The following STT3B variants were observed in gnomAD, a reference collection of about 807,000 sequenced individuals.
STT3B encodes STT3 oligosaccharyltransferase complex catalytic subunit B.
STT3B carries 29 observed loss-of-function variants against 96.8 expected under a neutral mutation model. The observed-to-expected ratio is 0.30, with a 90% CI of 0.22 to 0.41. The LOEUF (loss-of-function observed/expected upper bound fraction) is 0.41. Ranked by LOEUF, STT3B falls within the 10% of genes least tolerant of loss-of-function variation. The pLI is 1.00. For missense variants in STT3B, 640 were observed against 1,022.3 expected, an observed-to-expected ratio of 0.63 and a Z score of 5.10; for synonymous variants, 367 against 360.0, an observed-to-expected ratio of 1.02 and a Z score of -0.22.
At chr3:31,539,704 G>A (rs1004177660) in intron 1 of STT3B, among the ~76,000 whole-genome samples, 1 of 152,150 alleles carries the variant, frequency 6.6e-6, no homozygotes, top group African/African-American at 2.4e-5. Flanking sequence ...GAGATGAGTT[G>A]ATGGTTAAGA....
chr3:31,636,008 A>G lies in STT3B; in HGVS notation c.2425A>G (p.Ile809Val). ...KKTTKRKRGY[I>V]KNKLVFKKGK... ...GACTACCAAAAGGAAGCGTGGCTACATTAAAAATAAGCTGGTTTTTAAGAA... is the reference window on the plus strand; with the variant it reads ...GACTACCAAAAGGAAGCGTGGCTACGTTAAAAATAAGCTGGTTTTTAAGAA... The change falls in exon 16 of 16, where the codon ATT (isoleucine) becomes GTT (valine). Residue 809 changes from isoleucine (I) to valine (V), a missense_variant. By Grantham distance (29) the Ile-to-Val change is conservative. Coordinates refer to ENST00000295770, the MANE Select transcript of STT3B (RefSeq NM_178862.3). The G allele has an allele frequency of 6.2e-7, 1 of 1,608,320 alleles. No individual in the cohort carries two copies. Among genetic ancestry groups the G allele is most frequent in the Non-Finnish European group, 8.5e-7 (1 of 1,177,262 alleles).
At chr3:31,591,581 A>G (rs1425415577) in intron 3 of STT3B, among the ~76,000 whole-genome samples, 1 of 152,162 alleles carries the variant, frequency 6.6e-6, no homozygotes, top group Non-Finnish European at 1.5e-5. Flanking sequence ...TCTTAATATT[A>G]CAATCTACTT....
intron 15 of STT3B, among the ~76,000 whole-genome samples, chr3:31,633,462 C>G (rs1487532559): frequency 6.6e-6 from 1 of 152,098 alleles, no homozygotes; most frequent in Admixed American, 6.5e-5. Flanking sequence ...AGTAAAAATG[C>G]TAAATTCTCA....
intron 12 of STT3B, among the ~76,000 whole-genome samples, chr3:31,625,744 A>T (rs149150749): frequency 6.6e-6 from 1 of 152,214 alleles, no homozygotes; most frequent in African/African-American, 2.4e-5. Context: ...TAGAGCATGT[A>T]TTCTGATTTT....
intron 1 of STT3B, among the ~76,000 whole-genome samples, chr3:31,560,281 T>C (rs1258966364): frequency 6.6e-6 from 1 of 152,074 alleles, no homozygotes; most frequent in Admixed American, 6.5e-5. Context: ...TTTATCTTTG[T>C]GGTTTGGTGG....
intron 11 of STT3B, 152 bp from the exon 12 acceptor site, chr3:31,624,762 C>T: frequency 2.0e-6 from 1 of 507,310 alleles, no homozygotes; most frequent in Non-Finnish European, 3.4e-6. Flanking sequence ...TTCATTGTTT[C>T]ACTTTTTTTT....
rs114421808 is a variant in STT3B, at chr3:31,629,831, T to C, written c.2187+420T>C. Among the ~76,000 whole-genome samples the C allele has an allele frequency of 7.1e-3, 1,088 of 152,296 alleles. 18 individuals are homozygous for C. Among genetic ancestry groups the C allele is most frequent in the African/African-American group, 0.024 (1,012 of 41,552 alleles). On this transcript the variant is annotated intron_variant, in intron 14 of 15. Coordinates refer to ENST00000295770, the MANE Select transcript of STT3B (RefSeq NM_178862.3). The stretch of plus-strand genomic sequence containing the variant: ...CTTCAGATGTTCACTCTCTCCCCAT[T>C]CTCCGTTACCACAAATAGCTAGAGC...
At chr3:31,589,074 A>G (rs1013684327) in intron 3 of STT3B, among the ~76,000 whole-genome samples, 1 of 152,060 alleles carries the variant, frequency 6.6e-6, no homozygotes, top group Non-Finnish European at 1.5e-5. Flanking sequence ...TAAACATGGA[A>G]TATCTCTCTG....
intron 1 of STT3B, among the ~76,000 whole-genome samples, chr3:31,563,546 A>T (rs1036552642): frequency 1.3e-5 from 2 of 152,332 alleles, no homozygotes; most frequent in South Asian, 4.1e-4. Flanking sequence ...GACCATGGCT[A>T]TGGGGCCACT....
chr3:31,567,349 T>C (rs1276853802), intron 1 of STT3B, among the ~76,000 whole-genome samples: 2 of 152,204 alleles, frequency 1.3e-5, no homozygotes, highest in Non-Finnish European at 2.9e-5. Flanking sequence ...CCTTTTCTTA[T>C]TTTCTTTCTG....
intron 1 of STT3B, among the ~76,000 whole-genome samples, chr3:31,549,800 G>T (rs1697506054): frequency 6.6e-6 from 1 of 151,948 alleles, no homozygotes; most frequent in Admixed American, 6.6e-5. Context: ...AGTTATGCCG[G>T]ACTTAAATAT....
intron 1 of STT3B, among the ~76,000 whole-genome samples, chr3:31,558,432 C>G (rs761804620): frequency 1.3e-5 from 2 of 152,154 alleles, no homozygotes; most frequent in Non-Finnish European, 2.9e-5. Context: ...CAAATGTTTT[C>G]TCCTTATTGA....
chr3:31,563,444 C>G (rs1697927881), intron 1 of STT3B, among the ~76,000 whole-genome samples: 1 of 152,152 alleles, frequency 6.6e-6, no homozygotes, highest in Middle Eastern at 3.4e-3. Context: ...GATAGGCAAG[C>G]AAACAAGTAA....
At chr3:31,619,911 T>A in intron 9 of STT3B, 81 bp downstream of exon 9, 1 of 1,522,864 alleles carries the variant, frequency 6.6e-7, no homozygotes, top group African/African-American at 1.4e-5. Context: ...ATTTTTGTTT[T>A]TCTATGTTTG....
intron 4 of STT3B, among the ~76,000 whole-genome samples, chr3:31,599,532 T>G (rs1021051392): frequency 3.3e-5 from 5 of 152,184 alleles, no homozygotes; most frequent in Non-Finnish European, 5.9e-5. Flanking sequence ...CTGAAATATT[T>G]TACGTAAGAG....
chr3:31,617,018 G>A lies in STT3B; in HGVS notation c.1066G>A (p.Gly356Ser), dbSNP rs757997959. The change falls in exon 7 of 16, where the codon GGT becomes AGT. Residue 356 changes from glycine (G) to serine (S), a missense_variant. By Grantham distance (56) the Gly-to-Ser change is moderately conservative (BLOSUM62 0). Coordinates refer to ENST00000295770, the MANE Select transcript of STT3B (RefSeq NM_178862.3). The stretch of plus-strand genomic sequence containing the variant: ...AGAGTTCCAGACCCTTTTCTTTTTG[G>A]GTGTATCACTAGCTGCAGGTGCTGT... ...KQEFQTLFFLGVSLAAGAVFL... is the reference protein window; with the variant it reads ...KQEFQTLFFLSVSLAAGAVFL... The A allele has an allele frequency of 6.2e-7, 1 of 1,611,498 alleles. No homozygotes were observed. The highest frequency in any genetic ancestry group is 1.3e-5 in the African/African-American group (1 of 74,918).
chr3:31,559,782 A>G (rs923104525), intron 1 of STT3B, among the ~76,000 whole-genome samples: 1 of 152,030 alleles, frequency 6.6e-6, no homozygotes, highest in Non-Finnish European at 1.5e-5. Context: ...GTGAGAGTGG[A>G]TTGTTAAAAG....
At chr3:31,615,832 TA>T (rs1398437448) in intron 6 of STT3B, among the ~76,000 whole-genome samples, 2 of 152,086 alleles carry the variant, frequency 1.3e-5, no homozygotes, top group African/African-American at 4.8e-5. Flanking sequence ...AATTTATTTT[TA>T]AAAATTAATA....
intron 1 of STT3B, among the ~76,000 whole-genome samples, chr3:31,559,152 T>G (rs1383042845): frequency 2.2e-4 from 18 of 81,394 alleles, no homozygotes; most frequent in African/African-American, 6.3e-4. Flanking sequence ...TTGGGGTGTG[T>G]GTGTGTGTGT....
Sources: gnomAD v4.1 joint callset for allele counts (sites outside exome capture counted in the v4.1 genomes callset) on GRCh38, gnomAD v4.1.1 for gene constraint, MANE v1.5 for transcripts, NCBI Gene and HGNC (gene_info 2026-07-23, HGNC 2026-07-21) for gene names.